Variants in CAMTA1 observed in about 807,000 individuals in gnomAD.
CAMTA1 encodes calmodulin-binding transcription activator 1.
In CAMTA1, 27 loss-of-function variants were observed where a neutral mutation model predicts 170.9. That is an observed-to-expected ratio of 0.16 (90% confidence interval 0.12 to 0.22). CAMTA1 has a LOEUF of 0.22. Among genes scored for constraint, CAMTA1 ranks in the 10% least tolerant of loss-of-function variants. CAMTA1 has a pLI of 1.00. For synonymous variants in CAMTA1, 833 were observed against 891.5 expected, an observed-to-expected ratio of 0.93 and a Z score of 1.17; for missense variants, 1,619 against 2,217.2, an observed-to-expected ratio of 0.73 and a Z score of 5.42.
At position 7,534,230 on chromosome 1, in the gene CAMTA1, C is replaced by A. The variant is rs577358022; in HGVS notation, c.510+66329C>A. 1.3e-5 allele frequency among the ~76,000 whole-genome samples: 2 copies of A among 152,214 alleles called. No individual in the cohort carries two copies. The highest frequency in any genetic ancestry group is 4.8e-5 in the African/African-American group (2 of 41,460). The stretch of plus-strand genomic sequence containing the variant: ...GAAGAAATCCATTAGTCTTTCCTTT[C>A]CGTGAGAAACATCATAACGTTCAGC... On this transcript the variant is annotated intron_variant, in intron 6 of 22. Coordinates refer to ENST00000303635, the MANE Select transcript of CAMTA1 (RefSeq NM_015215.4). This position sits in a 1 kb window ranked among gnomAD's most constrained non-coding sequence, Gnocchi z 5.6.
intron 6 of CAMTA1, among the ~76,000 whole-genome samples, chr1:7,597,106 A>T (rs2095406404): frequency 6.6e-6 from 1 of 152,152 alleles, no homozygotes; most frequent in African/African-American, 2.4e-5. Context: ...GGCACCCAGC[A>T]AACACGAGCC....
intron 3 of CAMTA1, among the ~76,000 whole-genome samples, chr1:6,996,901 A>G (rs185230793): frequency 3.0e-4 from 46 of 152,276 alleles, no homozygotes; most frequent in African/African-American, 4.6e-4. Flanking sequence ...GTGGAATTCT[A>G]TGTCTCATGA....
At chr1:7,266,338 A>T (rs928165761) in intron 5 of CAMTA1, among the ~76,000 whole-genome samples, 1 of 152,218 alleles carries the variant, frequency 6.6e-6, no homozygotes, top group African/African-American at 2.4e-5. Context: ...TGGGAGCGCC[A>T]CTGTGGGTCC....
At chr1:7,625,846 G>A (rs533637576) in intron 6 of CAMTA1, among the ~76,000 whole-genome samples, 4 of 152,348 alleles carry the variant, frequency 2.6e-5, no homozygotes, top group African/African-American at 4.8e-5. Flanking sequence ...CAGAGGGGCC[G>A]GCCCCAGACT....
intron 5 of CAMTA1, among the ~76,000 whole-genome samples, chr1:7,348,604 G>C (rs1574845277): frequency 1.3e-5 from 2 of 152,226 alleles, no homozygotes; most frequent in Non-Finnish European, 2.9e-5. Context: ...CCAGGGCGAG[G>C]ATCCAACTAA....
intron 6 of CAMTA1, among the ~76,000 whole-genome samples, chr1:7,516,138 G>T (rs1303923248): frequency 6.6e-6 from 1 of 152,212 alleles, no homozygotes; most frequent in African/African-American, 2.4e-5. Context: ...CGCTGACTTT[G>T]TAAGTCTCCA....
At chr1:7,309,517 T>C (rs1676135938) in intron 5 of CAMTA1, among the ~76,000 whole-genome samples, 1 of 151,716 alleles carries the variant, frequency 6.6e-6, no homozygotes, top group Non-Finnish European at 1.5e-5. Context: ...GCCGGGATGG[T>C]CTCGATCTCC....
intron 5 of CAMTA1, among the ~76,000 whole-genome samples, chr1:7,288,932 G>T (rs935974531): frequency 9.2e-5 from 14 of 152,278 alleles, no homozygotes; most frequent in African/African-American, 3.1e-4. Context: ...AAGAAAAGAA[G>T]TTTAATTGGC....
intron 6 of CAMTA1, among the ~76,000 whole-genome samples, chr1:7,488,386 C>T (rs920109755): frequency 1.3e-5 from 2 of 152,096 alleles, no homozygotes; most frequent in African/African-American, 4.8e-5. Flanking sequence ...CCTCATTACC[C>T]CCAGCTTCGC....
chr1:6,860,713 C>CTTGGT, intron 3 of CAMTA1, among the ~76,000 whole-genome samples: 1 of 152,154 alleles, frequency 6.6e-6, no homozygotes, highest in Middle Eastern at 3.4e-3. Context: ...GAGTTCAAGA[C>CTTGGT]CAGCCTGGCC....
At chr1:7,601,817 T>C (rs1422779507) in intron 6 of CAMTA1, among the ~76,000 whole-genome samples, 1 of 152,008 alleles carries the variant, frequency 6.6e-6, no homozygotes, top group African/African-American at 2.4e-5. Context: ...GGCGCGCGCC[T>C]GCAATCGCAG....
intron 5 of CAMTA1, among the ~76,000 whole-genome samples, chr1:7,330,886 C>T (rs2082988256): frequency 6.6e-6 from 1 of 152,174 alleles, no homozygotes; most frequent in East Asian, 1.9e-4. Flanking sequence ...CTCATAGTCA[C>T]ACCACCAGAG....
chr1:7,699,517 C>T (rs2096415195), intron 11 of CAMTA1, among the ~76,000 whole-genome samples: 1 of 152,126 alleles, frequency 6.6e-6, no homozygotes, highest in Non-Finnish European at 1.5e-5. Context: ...TCCTTTCATT[C>T]TCTTGGATAT....
At chr1:6,968,489 TTACTG>T (rs1557900978) in intron 3 of CAMTA1, among the ~76,000 whole-genome samples, 2 of 152,168 alleles carry the variant, frequency 1.3e-5, no homozygotes, top group Non-Finnish European at 2.9e-5. Context: ...TGACAAATGT[TTACTG>T]TGTGCCTACT....
Position 7,737,290 on chromosome 1 carries a change from C to A in CAMTA1, c.3378C>A (p.Ala1126=). Residue 1126 remains alanine, a synonymous_variant, in exon 15 of 23, where the codon GCC becomes GCA. Coordinates refer to ENST00000303635, the MANE Select transcript of CAMTA1 (RefSeq NM_015215.4). ...WACALGHLEA[A]VVLYKWDRRA... ...GTGCCCTAGGGCACTTGGAAGCTGC[C>A]GTCGTGCTGTACAAGTGGGACCGTC... 4 of 1,614,062 alleles carry A rather than the reference C, an allele frequency of 2.5e-6. No individual in the cohort carries two copies. The highest frequency in any genetic ancestry group is 3.4e-6 in the Non-Finnish European group (4 of 1,180,002).
chr1:6,846,997 A>G (rs1233128134), intron 3 of CAMTA1, among the ~76,000 whole-genome samples: 3 of 151,936 alleles, frequency 2.0e-5, no homozygotes, highest in Non-Finnish European at 4.4e-5. Flanking sequence ...TGAGCACATG[A>G]AGGATGGATT....
chr1:6,939,905 G>A (rs1686137459), intron 3 of CAMTA1, among the ~76,000 whole-genome samples: 1 of 152,240 alleles, frequency 6.6e-6, no homozygotes, highest in African/African-American at 2.4e-5. Flanking sequence ...GGCGAGTGCC[G>A]GGCACAGAGC....
chr1:7,206,538 T>C (rs1185910249), intron 4 of CAMTA1, among the ~76,000 whole-genome samples: 1 of 152,246 alleles, frequency 6.6e-6, no homozygotes, highest in Admixed American at 6.5e-5. Context: ...TTTTCCAGTA[T>C]ATTTTCATGA....
intron 5 of CAMTA1, among the ~76,000 whole-genome samples, chr1:7,292,920 G>A (rs1673358106): frequency 6.6e-6 from 1 of 152,070 alleles, no homozygotes; most frequent in South Asian, 2.1e-4. Context: ...CAGAGCACTA[G>A]GCCACCCCAG....
Sources: gnomAD v4.1 joint callset for allele counts (sites outside exome capture counted in the v4.1 genomes callset) on GRCh38, gnomAD v4.1.1 for gene constraint, Gnocchi (gnomAD v3.1) non-coding constraint, MANE v1.5 for transcripts, NCBI Gene and HGNC (gene_info 2026-07-23, HGNC 2026-07-21) for gene names.